FRAS1: variants seen among roughly 807,000 people sequenced by gnomAD.
FRAS1 encodes the protein Fraser extracellular matrix complex subunit 1, also known as extracellular matrix organizing protein FRAS1.
FRAS1 carries 290 observed loss-of-function variants against 435.2 expected under a neutral mutation model. The ratio of observed to expected loss-of-function variants is 0.67; its 90% CI spans 0.61 to 0.73. The LOEUF is 0.73. Among genes scored for constraint, FRAS1 ranks in the 30% least tolerant of loss-of-function variants. The probability of loss-of-function intolerance (pLI) is 0.00; values close to 1 mark genes in which losing one functional copy is unlikely to be tolerated. For missense variants in FRAS1, 4,860 were observed against 5,001.5 expected, an observed-to-expected ratio of 0.97 and a Z score of 0.85; for synonymous variants, 1,800 against 1,851.0, an observed-to-expected ratio of 0.97 and a Z score of 0.71.
chr4:78,475,212 A>G (rs1436351703), intron 53 of FRAS1, among the ~76,000 whole-genome samples: 4 of 152,210 alleles, frequency 2.6e-5, no homozygotes, highest in African/African-American at 9.6e-5. Flanking sequence ...CTTGCAAAGC[A>G]GGGAAGACGA....
intron 15 of FRAS1, among the ~76,000 whole-genome samples, chr4:78,314,650 A>G (rs540665138): frequency 4.9e-4 from 75 of 152,296 alleles, no homozygotes; most frequent in South Asian, 2.7e-3. Flanking sequence ...ATAGGTTTCT[A>G]TAATCTGGAC....
rs184442540 is a variant in FRAS1 at position 78,162,593 on chromosome 4, G to C, written c.109-74917G>C. On this transcript the variant is annotated intron_variant, in intron 2 of 73. Transcript: ENST00000512123. ...GCAAAAACACAAATCTATCTCAGCTGTAGAGTTTTCACTGTAGAGACTCTT... is the reference window on the plus strand; with the variant it reads ...GCAAAAACACAAATCTATCTCAGCTCTAGAGTTTTCACTGTAGAGACTCTT... Among the ~76,000 whole-genome samples the C allele has an allele frequency of 3.5e-4, 53 of 152,296 alleles. 1 individual carries two copies. The highest frequency in any genetic ancestry group is 3.4e-3 in the Admixed American group (52 of 15,296).
At chr4:78,358,452 T>G (rs1416498896) in intron 20 of FRAS1, among the ~76,000 whole-genome samples, 1 of 152,190 alleles carries the variant, frequency 6.6e-6, no homozygotes, top group Non-Finnish European at 1.5e-5. Flanking sequence ...CTTGTAGTGG[T>G]TAAAATGTTA....
chr4:78,375,896 A>G lies in FRAS1; in HGVS notation c.3292+17A>G. 1 of 1,613,392 alleles carries G rather than the reference A, an allele frequency of 6.2e-7. No homozygotes were observed. The highest frequency in any genetic ancestry group is 8.5e-7 in the Non-Finnish European group (1 of 1,179,496). Reference sequence around the variant, plus strand: ...CATGTTCTGGTAAGTGCTTCTCCTCAGATGGTCTGGTGAATTTACCAATAA... The same window carrying G: ...CATGTTCTGGTAAGTGCTTCTCCTCGGATGGTCTGGTGAATTTACCAATAA... On this transcript the variant is annotated intron_variant, in intron 26 of 73. Coordinates refer to ENST00000512123, the MANE Select transcript of FRAS1 (RefSeq NM_025074.7).
At chr4:78,260,756 G>A (rs1026271291) in intron 6 of FRAS1, among the ~76,000 whole-genome samples, 10 of 152,168 alleles carry the variant, frequency 6.6e-5, no homozygotes, top group African/African-American at 2.4e-4. Flanking sequence ...TAGGAGTGGT[G>A]AGAGAGGGCA....
chr4:78,412,821 T>G (rs959301471), intron 31 of FRAS1, 148 bp from the exon 32 acceptor site: 7 of 433,564 alleles, frequency 1.6e-5, no homozygotes. Flanking sequence ...AAAAGATCAA[T>G]ATTAAAATAT....
At chr4:78,368,374 A>G (rs1185787044) in intron 22 of FRAS1, among the ~76,000 whole-genome samples, 3 of 151,274 alleles carry the variant, frequency 2.0e-5, no homozygotes, top group Non-Finnish European at 4.4e-5. Context: ...GCACTGTGCC[A>G]TATACTTTGA....
rs1725577400 is a variant in FRAS1 at position 78,252,405 on chromosome 4, G to T, written c.323G>T (p.Trp108Leu). 2 of 1,613,002 alleles carry T rather than the reference G, an allele frequency of 1.2e-6. No individual in the cohort carries two copies. Among genetic ancestry groups the T allele is most frequent in the Admixed American group, 1.7e-5 (1 of 59,924 alleles). Reference sequence around the variant, plus strand: ...CCTAACACACAGCATGGGACAGAATGGGCCTCTTCTCCATGTAGTGTGTGC... The same window carrying T: ...CCTAACACACAGCATGGGACAGAATTGGCCTCTTCTCCATGTAGTGTGTGC... ...EKKIHEHGTEWASSPCSVCSC... is the reference protein window; with the variant it reads ...EKKIHEHGTELASSPCSVCSC... The change falls in exon 5 of 74, where the codon TGG (tryptophan) becomes TTG (leucine). Residue 108 changes from tryptophan to leucine, a missense_variant. By Grantham distance (61) the Trp-to-Leu change is moderately conservative. Transcript: ENST00000512123.
chr4:78,242,621 A>G (rs146462193), intron 3 of FRAS1, among the ~76,000 whole-genome samples: 1,710 of 152,226 alleles, frequency 0.011, 17 homozygotes, highest in Middle Eastern at 0.017. Flanking sequence ...TTTTTAGGAG[A>G]GACGGGGTTT....
At chr4:78,500,713 C>T (rs890690425) in intron 61 of FRAS1, among the ~76,000 whole-genome samples, 4 of 152,070 alleles carry the variant, frequency 2.6e-5, no homozygotes, top group African/African-American at 9.7e-5. Flanking sequence ...ATTTTCTCTC[C>T]CCTCACCAGA....
intron 9 of FRAS1, among the ~76,000 whole-genome samples, chr4:78,275,614 C>A (rs1401496298): frequency 6.6e-6 from 1 of 152,136 alleles, no homozygotes; most frequent in African/African-American, 2.4e-5. Flanking sequence ...GTTGAGAATT[C>A]TTTTCTTTAA....
intron 2 of FRAS1, among the ~76,000 whole-genome samples, chr4:78,088,777 C>T (rs1741346685): frequency 6.6e-6 from 1 of 152,138 alleles, no homozygotes; most frequent in Admixed American, 6.5e-5. Context: ...AGTTAGGAAA[C>T]CACAGGTGCT....
intron 24 of FRAS1, 122 bp from the exon 25 acceptor site, chr4:78,373,989 T>C (rs1022673321): frequency 3.6e-6 from 3 of 844,646 alleles, no homozygotes; most frequent in African/African-American, 3.4e-5. Context: ...ACTCTTCATA[T>C]GGTCCTTTGC....
rs978541613 is a variant in FRAS1, at chr4:78,207,174, A to G, written c.109-30336A>G. ...TTAAGCCTTGTAATACAATCCTTGC[A>G]AAGTCTGGAAATGAAATGGAATGTC... On this transcript the variant is annotated intron_variant, in intron 2 of 73. Coordinates refer to ENST00000512123, the MANE Select transcript of FRAS1 (RefSeq NM_025074.7). Among the ~76,000 whole-genome samples, 5 of 152,238 alleles carry G rather than the reference A, an allele frequency of 3.3e-5. No individual in the cohort carries two copies. In the South Asian group the frequency reaches 6.2e-4, roughly 19 times the overall value.
intron 8 of FRAS1, 135 bp downstream of exon 8, chr4:78,267,070 G>C: frequency 1.1e-6 from 1 of 900,034 alleles, no homozygotes; most frequent in African/African-American, 1.7e-5. Flanking sequence ...AGATATGAAG[G>C]CTCTGCTTCC....
chr4:78,111,874 G>C (rs1269898619), intron 2 of FRAS1, among the ~76,000 whole-genome samples: 2 of 151,860 alleles, frequency 1.3e-5, no homozygotes, highest in African/African-American at 4.8e-5. Context: ...AAAACACATA[G>C]GAGAATAATA....
At chr4:78,451,743 C>G in intron 45 of FRAS1, 29 bp from the exon 46 acceptor site, 2 of 1,558,806 alleles carry the variant, frequency 1.3e-6, no homozygotes, top group Non-Finnish European at 1.7e-6. Flanking sequence ...GCACTAATAG[C>G]AAATCTTGAT....
intron 50 of FRAS1, among the ~76,000 whole-genome samples, chr4:78,469,533 T>A (rs1298494529): frequency 1.3e-5 from 2 of 152,190 alleles, no homozygotes; most frequent in African/African-American, 4.8e-5. Context: ...ACATCTGGCA[T>A]AATCCCACCT....
At chr4:78,227,636 C>A (rs976612804) in intron 2 of FRAS1, among the ~76,000 whole-genome samples, 2 of 152,210 alleles carry the variant, frequency 1.3e-5, no homozygotes, top group African/African-American at 4.8e-5. Context: ...TGAGAACATG[C>A]AGCAGAGCTT....
Sources: gnomAD v4.1 joint callset for allele counts (sites outside exome capture counted in the v4.1 genomes callset) on GRCh38, gnomAD v4.1.1 for gene constraint, MANE v1.5 for transcripts, NCBI Gene and HGNC (gene_info 2026-07-23, HGNC 2026-07-21) for gene names.